SPG21: variants seen among roughly 807,000 people sequenced by gnomAD.
SPG21 encodes the protein maspardin.
Under a neutral mutation model 38.9 loss-of-function variants are expected in SPG21, and 26 were observed. The observed-to-expected ratio is 0.67, with a 90% CI of 0.49 to 0.93. The LOEUF (loss-of-function observed/expected upper bound fraction) is 0.93, where lower values mean the gene tolerates loss of function less well. Among genes scored for constraint, SPG21 ranks in the 40% least tolerant of loss-of-function variants. The pLI, the probability that SPG21 is intolerant of heterozygous loss-of-function variation, is 0.00. For synonymous variants in SPG21, 136 were observed against 128.9 expected, an observed-to-expected ratio of 1.05 and a Z score of -0.37; for missense variants, 333 against 376.5, an observed-to-expected ratio of 0.88 and a Z score of 0.96.
chr15:64,970,501 T>C (rs1448901006), intron 5 of SPG21, among the ~76,000 whole-genome samples: 1 of 151,964 alleles, frequency 6.6e-6, no homozygotes, highest in Non-Finnish European at 1.5e-5. Flanking sequence ...TCCAAGATTG[T>C]TTTTTTTCTC....
At chr15:64,977,734 C>T (rs2085809533) in intron 3 of SPG21, among the ~76,000 whole-genome samples, 1 of 151,930 alleles carries the variant, frequency 6.6e-6, no homozygotes, top group South Asian at 2.1e-4. Context: ...CTATACGTAG[C>T]CTATCTATTA....
At chr15:64,964,242 A>C (rs2085501758) in intron 8 of SPG21, among the ~76,000 whole-genome samples, 1 of 152,046 alleles carries the variant, frequency 6.6e-6, no homozygotes, top group Non-Finnish European at 1.5e-5. Flanking sequence ...TTTGTTCCTC[A>C]CTCCCTGAGC....
chr15:64,973,738 C>A (rs540747667), intron 5 of SPG21, among the ~76,000 whole-genome samples: 1 of 152,088 alleles, frequency 6.6e-6, no homozygotes, highest in East Asian at 1.9e-4. Context: ...TGTGAGCCAC[C>A]GCACCCAGCC....
rs199577085 is a variant in SPG21 at position 64,980,968 on chromosome 15, T to G, written c.121A>C (p.Ser41Arg). 1.2e-6 allele frequency: 2 copies of G among 1,614,180 alleles called. No homozygotes were observed. Among genetic ancestry groups the G allele is most frequent in the Non-Finnish European group, 1.7e-6 (2 of 1,180,036 alleles). ...IWSLYDAGPR[S>R]IRCPLIFLPP... ...AGGAATATGAGAGGACACCTGATAC[T>G]TCGGGGGCCCGCGTCATAGAGCGAC... Residue 41 changes from serine (S) to arginine (R), a missense_variant, in exon 3 of 9, where the codon AGT (serine) becomes CGT (arginine). Ser to Arg is a moderately radical substitution (Grantham distance 110, BLOSUM62 -1). Coordinates refer to ENST00000204566, the MANE Select transcript of SPG21 (RefSeq NM_016630.7).
At chr15:64,987,284 A>G (rs771258071) in intron 1 of SPG21, 1 of 152,254 alleles carries the variant, frequency 6.6e-6, no homozygotes, top group African/African-American at 2.4e-5. Flanking sequence ...AGAGACAAGT[A>G]ATTTTAACAC....
chr15:64,964,016 C>A (rs978846186), intron 8 of SPG21, among the ~76,000 whole-genome samples: 1 of 152,112 alleles, frequency 6.6e-6, no homozygotes, highest in African/African-American at 2.4e-5. Context: ...CTCGGCCTCC[C>A]AAAGTGCCAG....
At chr15:64,980,608 G>C in intron 3 of SPG21, among the ~76,000 whole-genome samples, 1 of 151,806 alleles carries the variant, frequency 6.6e-6, no homozygotes, top group Admixed American at 6.6e-5. Flanking sequence ...CGTAGTGGCG[G>C]GCGCCTGTAA....
intron 2 of SPG21, chr15:64,983,144 G>C (rs2085915328): frequency 3.6e-6 from 1 of 280,862 alleles, no homozygotes; most frequent in Non-Finnish European, 7.4e-6. Context: ...TGTAATCCTA[G>C]CTACTTGGCA....
intron 1 of SPG21, among the ~76,000 whole-genome samples, chr15:64,984,033 C>G (rs780528937): frequency 1.5e-4 from 23 of 152,194 alleles, no homozygotes; most frequent in Non-Finnish European, 2.9e-4. Flanking sequence ...ATCCACCCAC[C>G]TCAGCCTCCT....
chr15:64,984,784 C>G (rs1555401321), intron 1 of SPG21, among the ~76,000 whole-genome samples: 1 of 147,654 alleles, frequency 6.8e-6, no homozygotes. Context: ...GAGTCTCACT[C>G]TGTCACCCAG....
chr15:64,983,909 G>A (rs533870802), intron 1 of SPG21, among the ~76,000 whole-genome samples: 30 of 151,402 alleles, frequency 2.0e-4, no homozygotes, highest in African/African-American at 6.1e-4. Context: ...TCAGCCTCCC[G>A]AGTATCTGGG....
At chr15:64,987,542 A>G (rs1488813586) in intron 1 of SPG21, 2 of 152,280 alleles carry the variant, frequency 1.3e-5, no homozygotes, top group East Asian at 3.8e-4. Flanking sequence ...TCAGTACTGA[A>G]TAAGAAAGAA....
intron 7 of SPG21, among the ~76,000 whole-genome samples, 196 bp downstream of exon 7, chr15:64,969,059 T>C (rs559251593): frequency 1.3e-5 from 2 of 152,272 alleles, no homozygotes; most frequent in African/African-American, 4.8e-5. Flanking sequence ...ATTTCAATGG[T>C]GTTATTCCTG....
At chr15:64,986,705 C>CAA (rs762583844) in intron 1 of SPG21, among the ~76,000 whole-genome samples, 4 of 144,738 alleles carry the variant, frequency 2.8e-5, no homozygotes, top group African/African-American at 7.6e-5. Flanking sequence ...CAAAACAAAA[C>CAA]AAAACAAAAA....
At chr15:64,963,785 T>C in intron 8 of SPG21, 49 bp from the exon 9 acceptor site, 1 of 1,548,474 alleles carries the variant, frequency 6.5e-7, no homozygotes, top group Non-Finnish European at 8.9e-7. Context: ...AGCTGGAGTG[T>C]CACTCTTGTT....
At chr15:64,974,987 T>C (rs775927824) in intron 4 of SPG21, among the ~76,000 whole-genome samples, 1 of 151,982 alleles carries the variant, frequency 6.6e-6, no homozygotes, top group Non-Finnish European at 1.5e-5. Context: ...CATTCACAGA[T>C]TGCATTAGAA....
At position 64,965,447 on chromosome 15, in the gene SPG21, C is replaced by T; in HGVS notation, c.683G>A (p.Ser228Asn). Residue 228 changes from serine (S) to asparagine (N), a missense_variant, in exon 8 of 9, where the codon AGT becomes AAT. Ser to Asn is a conservative substitution (Grantham distance 46). Transcript: ENST00000204566. ...PVTIMDVFDQ[S>N]ALSTEAKEEM... ...TTCTTTAGCTTCAGTTGAAAGCGCA[C>T]TCTGATCAAACACCTTTAAAAAACA... is the stretch of plus-strand genomic sequence containing the variant. 6.2e-7 allele frequency: 1 copy of T among 1,614,188 alleles called. No individual in the cohort carries two copies. Among genetic ancestry groups the T allele is most frequent in the South Asian group, 1.1e-5 (1 of 91,072 alleles).
At chr15:64,968,876 G>T (rs1449262854) in intron 7 of SPG21, among the ~76,000 whole-genome samples, 1 of 151,958 alleles carries the variant, frequency 6.6e-6, no homozygotes, top group Admixed American at 6.6e-5. Flanking sequence ...AGACTCCCTT[G>T]TTTAAATTTA....
chr15:64,968,419 T>C (rs1454591459), intron 7 of SPG21, among the ~76,000 whole-genome samples: 2 of 151,860 alleles, frequency 1.3e-5, no homozygotes, highest in African/African-American at 4.8e-5. Context: ...TGAAACATTA[T>C]GCTAAGTGAA....
Sources: allele counts gnomAD v4.1 joint callset (sites outside exome capture counted in the v4.1 genomes callset), GRCh38; gene constraint gnomAD v4.1.1; transcripts MANE v1.5; gene names NCBI Gene and HGNC (gene_info 2026-07-23, HGNC 2026-07-21).